The following FARS2 variants were observed in gnomAD, a reference collection of about 807,000 sequenced individuals.
The protein encoded by FARS2 is phenylalanine--tRNA ligase, mitochondrial.
FARS2 carries 40 observed loss-of-function variants against 46.4 expected under a neutral mutation model. The observed-to-expected ratio is 0.86, with a 90% CI of 0.67 to 1.12. FARS2 has a LOEUF of 1.12. FARS2 is among the 50% of genes most tolerant of loss of function. The pLI is 0.00. For synonymous variants in FARS2, 234 were observed against 214.9 expected (o/e 1.09, Z -0.78); for missense variants, 513 against 567.9 (o/e 0.90, Z 0.98).
At chr6:5,288,178 G>A (rs1004265803) in intron 1 of FARS2, among the ~76,000 whole-genome samples, 2 of 152,198 alleles carry the variant, frequency 1.3e-5, no homozygotes, top group Non-Finnish European at 2.9e-5. Context: ...ACTGTGCTGA[G>A]TCCAGTGATC....
In FARS2 at chr6:5,709,671, G is replaced by GGTGTGTGT. The variant is rs771506886; in HGVS notation, c.1218-61600_1218-61593dup. 3.7e-3 allele frequency among the ~76,000 whole-genome samples: 359 copies of GGTGTGTGT among 97,234 alleles called. 2 individuals are homozygous for GGTGTGTGT. Among genetic ancestry groups the GGTGTGTGT allele is most frequent in the African/African-American group, 0.012 (344 of 28,476 alleles). The allele number at this position is 97,234 out of a possible 152,430, so 63.8% of individuals were successfully genotyped here. A position where few individuals can be genotyped will look rare whatever the true frequency, so the allele number is the denominator to read the frequency against. On this transcript the variant is annotated intron_variant, in intron 6 of 6. Transcript: ENST00000274680. ...TGGTCCCCTGTTGATGTTCCAAGAG[G>GGTGTGTGT]GTGTGTGTGTGTGTGTGTGTGTGTG...
chr6:5,250,720 CAAACGT>C, the FARS2 span, among the ~76,000 whole-genome samples: 36,739 of 151,932 alleles, frequency 0.24, 4,924 homozygotes, highest in African/African-American at 0.36. Context: ...AAATTCAGAA[CAAACGT>C]AAGAACTGAT....
At chr6:5,761,131 G>A (rs1385703764) in intron 6 of FARS2, among the ~76,000 whole-genome samples, 1 of 152,170 alleles carries the variant, frequency 6.6e-6, no homozygotes, top group Non-Finnish European at 1.5e-5. Flanking sequence ...TCCTACTTGT[G>A]CTTTAACATC....
At chr6:5,530,269 C>G (rs1769739152) in intron 4 of FARS2, among the ~76,000 whole-genome samples, 1 of 151,836 alleles carries the variant, frequency 6.6e-6, no homozygotes, top group South Asian at 2.1e-4. Context: ...CATTGAGGAA[C>G]ATTTCTATAA....
chr6:5,736,778 C>G (rs1760981522), intron 6 of FARS2, among the ~76,000 whole-genome samples: 1 of 151,504 alleles, frequency 6.6e-6, no homozygotes, highest in Admixed American at 6.5e-5. Context: ...ATTTAAACCA[C>G]ATAGGTGCTA....
intron 1 of FARS2, among the ~76,000 whole-genome samples, chr6:5,346,245 T>G (rs1036407018): frequency 6.6e-6 from 1 of 152,240 alleles, no homozygotes; most frequent in African/African-American, 2.4e-5. Context: ...CAACCATTCT[T>G]GAAGAAGACA....
At chr6:5,290,123 A>C (rs760741231) in intron 1 of FARS2, among the ~76,000 whole-genome samples, 4 of 152,242 alleles carry the variant, frequency 2.6e-5, no homozygotes, top group Non-Finnish European at 5.9e-5. Flanking sequence ...TCCTGAAACT[A>C]CAGGAAAGTT....
intron 6 of FARS2, among the ~76,000 whole-genome samples, chr6:5,760,614 C>A (rs1762430486): frequency 6.6e-6 from 1 of 152,192 alleles, no homozygotes; most frequent in South Asian, 2.1e-4. Context: ...ATAAGGCTCT[C>A]TTCTGTGACC....
Position 5,727,945 on chromosome 6 carries a change from GA to G in FARS2, c.1218-43344del, listed in dbSNP as rs1276467705. On this transcript the variant is annotated intron_variant, in intron 6 of 6. Coordinates refer to ENST00000274680, the MANE Select transcript of FARS2 (RefSeq NM_006567.5). This position sits in a 1 kb window ranked among gnomAD's most constrained non-coding sequence, Gnocchi z 4.1. ...CCAGGTGAATGACGCTGTTAGAGGG[GA>G]AGTGTTGGGGTGAAAGGTCCCTGGG... Among the ~76,000 whole-genome samples, 1 of 152,218 alleles carries G rather than the reference GA, an allele frequency of 6.6e-6. No individual in the cohort carries two copies. The highest frequency in any genetic ancestry group is 2.4e-5 in the African/African-American group (1 of 41,460).
In FARS2 at chr6:5,431,204, T is replaced by C. The variant is rs376496854; in HGVS notation, c.904+32T>C. ...AAGAATCCCACATTTTATTTACACGTGCTCTAAAGGAACCCTCCCTTCTCA... is the reference window on the plus strand; with the variant it reads ...AAGAATCCCACATTTTATTTACACGCGCTCTAAAGGAACCCTCCCTTCTCA... On this transcript the variant is annotated intron_variant, in intron 4 of 6. Transcript: ENST00000274680. The C allele has an allele frequency of 1.9e-5, 31 of 1,610,926 alleles. No homozygotes were observed. In the African/African-American group the frequency reaches 4.0e-4, roughly 21 times the overall value.
At chr6:5,650,034 C>T (rs1777271211) in intron 6 of FARS2, among the ~76,000 whole-genome samples, 1 of 152,128 alleles carries the variant, frequency 6.6e-6, no homozygotes, top group African/African-American at 2.4e-5. Flanking sequence ...AGGGAAAGGG[C>T]CCCACTGCCG....
At chr6:5,340,322 A>G (rs1200618785) in intron 1 of FARS2, among the ~76,000 whole-genome samples, 1 of 152,226 alleles carries the variant, frequency 6.6e-6, no homozygotes, top group Non-Finnish European at 1.5e-5. Context: ...TGTGTTCAGA[A>G]GGATGCGTGC....
At chr6:5,484,786 A>G (rs1298040357) in intron 4 of FARS2, among the ~76,000 whole-genome samples, 1 of 152,230 alleles carries the variant, frequency 6.6e-6, no homozygotes, top group Non-Finnish European at 1.5e-5. Flanking sequence ...TGAAGGGCAC[A>G]GTGAGTTTCC....
At chr6:5,381,422 G>T (rs866856937) in intron 2 of FARS2, among the ~76,000 whole-genome samples, 1 of 120,834 alleles carries the variant, frequency 8.3e-6, no homozygotes, top group Non-Finnish European at 1.9e-5. Flanking sequence ...CACACACACA[G>T]ATGCAGAATT....
chr6:5,431,733 A>G (rs1763181978), intron 4 of FARS2: 1 of 528,242 alleles, frequency 1.9e-6, no homozygotes, highest in Non-Finnish European at 3.9e-6. Flanking sequence ...ACGCATATCT[A>G]TAGGCATTTC....
rs1775089947 is a variant in FARS2 at position 5,610,167 on chromosome 6, TC to T, written c.1066-3001del. ...TCCAATGAAGAGCTTCCTCAGCTAT[TC>T]GGGCTCTTTAGGAGACTCTGACTTA... On this transcript the variant is annotated intron_variant, in intron 5 of 6. Coordinates refer to ENST00000274680, the MANE Select transcript of FARS2 (RefSeq NM_006567.5). The T allele has an allele frequency of 3.0e-6, 3 of 996,484 alleles. No individual in the cohort carries two copies. The Admixed American group carries it at 5.9e-5, about 20-fold the overall frequency. The allele number at this position is 996,484 out of a possible 1,614,324, so 61.7% of individuals were successfully genotyped here. A position where few individuals can be genotyped will look rare whatever the true frequency, so the allele number is the denominator to read the frequency against.
chr6:5,370,731 G>A (rs1264421221), intron 2 of FARS2, among the ~76,000 whole-genome samples: 1 of 152,092 alleles, frequency 6.6e-6, no homozygotes, highest in Non-Finnish European at 1.5e-5. Context: ...ACAGAAGATG[G>A]GAAATAGGAA....
intron 1 of FARS2, chr6:5,291,011 T>C (rs1365611320): frequency 6.6e-6 from 1 of 152,230 alleles, no homozygotes; most frequent in East Asian, 1.9e-4. Context: ...TGAGCCACCA[T>C]GCCTAGCCTG....
intron 4 of FARS2, among the ~76,000 whole-genome samples, chr6:5,453,269 A>G (rs1334105470): frequency 6.6e-6 from 1 of 152,250 alleles, no homozygotes; most frequent in African/African-American, 2.4e-5. Context: ...AAGAATATGA[A>G]AATAACAAAG....
Sources: gnomAD v4.1 joint callset for allele counts (sites outside exome capture counted in the v4.1 genomes callset) on GRCh38, gnomAD v4.1.1 for gene constraint, Gnocchi (gnomAD v3.1) non-coding constraint, MANE v1.5 for transcripts, NCBI Gene and HGNC (gene_info 2026-07-23, HGNC 2026-07-21) for gene names.